The following NFATC2 variants were observed in gnomAD, a reference collection of about 807,000 sequenced individuals.
NFATC2 encodes nuclear factor of activated T cells 2, also known as nuclear factor of activated T-cells, cytoplasmic 2.
In NFATC2, 22 loss-of-function variants were observed where a neutral mutation model predicts 87.3. The observed-to-expected ratio is 0.25, with a 90% confidence interval of 0.18 to 0.36. NFATC2 has a LOEUF of 0.36. Among genes scored for constraint, NFATC2 ranks in the 10% least tolerant of loss-of-function variants. The probability of loss-of-function intolerance (pLI) is 1.00; values close to 1 mark genes in which losing one functional copy is unlikely to be tolerated. For missense variants in NFATC2, 1,149 were observed against 1,259.1 expected, an observed-to-expected ratio of 0.91 and a Z score of 1.32; for synonymous variants, 565 against 542.2, an observed-to-expected ratio of 1.04 and a Z score of -0.58.
chr20:51,402,133 A>ATGAT (rs528517596), intron 9 of NFATC2, among the ~76,000 whole-genome samples: 5 of 152,322 alleles, frequency 3.3e-5, no homozygotes, highest in South Asian at 2.1e-4. Flanking sequence ...CTTTTTTGCA[A>ATGAT]TGATTGCACA....
At chr20:51,531,325 A>G (rs1199366214) in intron 1 of NFATC2, among the ~76,000 whole-genome samples, 1 of 152,066 alleles carries the variant, frequency 6.6e-6, no homozygotes, top group East Asian at 1.9e-4. Flanking sequence ...ACATCTTCTC[A>G]CTCTCAGCCC....
chr20:51,540,663 T>TTTGTTTTTTTGTTTG (rs1555818359), intron 1 of NFATC2, among the ~76,000 whole-genome samples: 1 of 135,692 alleles, frequency 7.4e-6, no homozygotes, highest in East Asian at 2.3e-4. Context: ...TTTTTGTTTT[T>TTTGTTTTTTTGTTTG]TTTTTTTTGA....
intron 9 of NFATC2, among the ~76,000 whole-genome samples, chr20:51,401,173 C>G (rs1987995301): frequency 6.6e-6 from 1 of 152,012 alleles, no homozygotes; most frequent in East Asian, 1.9e-4. Context: ...AGTTTAAGAC[C>G]AGCCCGGCCA....
intron 3 of NFATC2, among the ~76,000 whole-genome samples, chr20:51,491,615 T>C (rs2075885869): frequency 6.6e-6 from 1 of 152,130 alleles, no homozygotes; most frequent in African/African-American, 2.4e-5. Flanking sequence ...CTCCGCCATG[T>C]GGATACACGG....
chr20:51,557,161 T>G (rs2076985583), intron 1 of NFATC2, among the ~76,000 whole-genome samples: 1 of 152,198 alleles, frequency 6.6e-6, no homozygotes, highest in Admixed American at 6.5e-5. Flanking sequence ...AGGGTCCTAC[T>G]CTATACCAAG....
chr20:51,440,611 A>G (rs1984196896), intron 6 of NFATC2, among the ~76,000 whole-genome samples: 1 of 152,184 alleles, frequency 6.6e-6, no homozygotes, highest in African/African-American at 2.4e-5. Flanking sequence ...AACTTAAACT[A>G]TGAGCCAAGG....
At chr20:51,470,714 A>G (rs951563897) in intron 5 of NFATC2, among the ~76,000 whole-genome samples, 2 of 152,254 alleles carry the variant, frequency 1.3e-5, no homozygotes, top group South Asian at 2.1e-4. Context: ...ATACTCTGCC[A>G]GCGCGTGTTA....
chr20:51,407,238 C>T (rs905112086), intron 9 of NFATC2, among the ~76,000 whole-genome samples: 5 of 152,270 alleles, frequency 3.3e-5, no homozygotes, highest in East Asian at 1.9e-4. Context: ...CTTACTGGAA[C>T]GGCAAGCAGG....
chr20:51,412,201 T>A (rs1041012339), intron 9 of NFATC2, among the ~76,000 whole-genome samples: 4 of 152,142 alleles, frequency 2.6e-5, no homozygotes, highest in African/African-American at 9.7e-5. Context: ...GGGAATTCTT[T>A]CCAGGATAGG....
intron 6 of NFATC2, among the ~76,000 whole-genome samples, chr20:51,439,900 T>C (rs531848098): frequency 1.3e-5 from 2 of 152,330 alleles, no homozygotes; most frequent in South Asian, 4.1e-4. Flanking sequence ...TATGGGGTCG[T>C]TCTGAAGATT....
intron 9 of NFATC2, among the ~76,000 whole-genome samples, chr20:51,401,343 T>A (rs2426298): frequency 0.82 from 122,437 of 149,580 alleles, 50,616 homozygotes; most frequent in South Asian, 0.9. Context: ...CTCAAAAAAA[T>A]AAAAATAAAT....
At chr20:51,519,224 T>C (rs1202775576) in intron 2 of NFATC2, among the ~76,000 whole-genome samples, 1 of 152,218 alleles carries the variant, frequency 6.6e-6, no homozygotes, top group South Asian at 2.1e-4. Context: ...TGTATTAATA[T>C]GCTTTAAAGC....
chr20:51,504,008 T>A (rs1017225745), intron 3 of NFATC2, among the ~76,000 whole-genome samples: 1 of 151,904 alleles, frequency 6.6e-6, no homozygotes, highest in Non-Finnish European at 1.5e-5. Context: ...CACATCCAGC[T>A]AATTTTTGGG....
chr20:51,431,331 CCT>C (rs1409660529), intron 9 of NFATC2, among the ~76,000 whole-genome samples: 2 of 152,134 alleles, frequency 1.3e-5, no homozygotes, highest in African/African-American at 4.8e-5. Flanking sequence ...GTCCTTCCTC[CCT>C]GAGATCCTGG....
Position 51,562,068 on chromosome 20 carries a change from G to A in NFATC2, c.70+492C>T, listed in dbSNP as rs1379231790. 6.6e-6 allele frequency among the ~76,000 whole-genome samples: 1 copy of A among 152,184 alleles called. No individual in the cohort carries two copies. The highest frequency in any genetic ancestry group is 1.5e-5 in the Non-Finnish European group (1 of 68,026). ...AAGAAAATAGTTTAAATGTCCCAGA[G>A]CATCCGCTGCTGCTGTAACTGTTAG... On this transcript the variant is annotated intron_variant, in intron 1 of 10. Coordinates refer to the NFATC2 transcript ENST00000414705. The surrounding 1 kb of genome is among the most constrained non-coding windows in gnomAD (Gnocchi z 5.8).
At chr20:51,508,066 C>T (rs1216383304) in intron 3 of NFATC2, among the ~76,000 whole-genome samples, 1 of 152,192 alleles carries the variant, frequency 6.6e-6, no homozygotes, top group Non-Finnish European at 1.5e-5. Flanking sequence ...AAGTTTCAGA[C>T]TTAATCTCCC....
intron 3 of NFATC2, among the ~76,000 whole-genome samples, chr20:51,484,857 G>T (rs561205217): frequency 6.6e-6 from 1 of 152,324 alleles, no homozygotes; most frequent in East Asian, 1.9e-4. Flanking sequence ...CCACTGGCTG[G>T]ATGTGTCTTC....
At chr20:51,445,652 T>C (rs1312195143) in intron 6 of NFATC2, among the ~76,000 whole-genome samples, 1 of 152,232 alleles carries the variant, frequency 6.6e-6, no homozygotes, top group Non-Finnish European at 1.5e-5. Flanking sequence ...GCCTGTGACC[T>C]GGCTTCCCTG....
chr20:51,478,308 G>A (rs2146529577), intron 3 of NFATC2, among the ~76,000 whole-genome samples: 1 of 152,312 alleles, frequency 6.6e-6, no homozygotes. Flanking sequence ...TTGCATTTGA[G>A]CCCAAGACAA....
Sources: allele counts gnomAD v4.1 joint callset (sites outside exome capture counted in the v4.1 genomes callset), GRCh38; gene constraint gnomAD v4.1.1; non-coding constraint Gnocchi (gnomAD v3.1); transcripts MANE v1.5; gene names NCBI Gene and HGNC (gene_info 2026-07-23, HGNC 2026-07-21).